NLGN4X: variants seen among roughly 807,000 people sequenced by gnomAD.
NLGN4X encodes the protein neuroligin-4, X-linked.
A neutral mutation model predicts 40.3 loss-of-function variants in NLGN4X; 3 were observed. The observed-to-expected ratio is 0.07, with a 90% confidence interval of 0.03 to 0.19. The LOEUF (loss-of-function observed/expected upper bound fraction) is 0.19. NLGN4X is among the 10% of genes least tolerant of loss of function. The probability of loss-of-function intolerance (pLI) is 1.00; values close to 1 mark genes in which losing one functional copy is unlikely to be tolerated. For synonymous variants in NLGN4X, 270 were observed against 306.8 expected, an observed-to-expected ratio of 0.88 and a Z score of 1.25; for missense variants, 382 against 708.3, an observed-to-expected ratio of 0.54 and a Z score of 5.23.
At chrX:6,128,246 C>G (rs985953370) in intron 2 of NLGN4X, among the ~76,000 whole-genome samples, 4 of 111,680 alleles carry the variant, frequency 3.6e-5, no homozygotes, top group African/African-American at 1.3e-4. Context: ...CTGGCAACAT[C>G]TTTTTACACC....
intron 2 of NLGN4X, among the ~76,000 whole-genome samples, chrX:6,091,323 G>A (rs1400934721): frequency 9.0e-6 from 1 of 111,257 alleles, no homozygotes; most frequent in Non-Finnish European, 1.9e-5. Flanking sequence ...TGCTTCCCTG[G>A]AAGCATCTTT....
chrX:6,080,660 A>G (rs2038324625), intron 2 of NLGN4X, among the ~76,000 whole-genome samples: 1 of 111,638 alleles, frequency 9.0e-6, no homozygotes, highest in African/African-American at 3.3e-5. Context: ...AAGACACCCC[A>G]TAAACTGTTT....
intron 1 of NLGN4X, among the ~76,000 whole-genome samples, chrX:6,196,581 A>AAAAAAT (rs1923110091): frequency 9.8e-6 from 1 of 102,117 alleles, no homozygotes; most frequent in Non-Finnish European, 2.0e-5. Flanking sequence ...AAAAAAAAAA[A>AAAAAAT]GTGTCTCATG....
chrX:5,892,803 G>T lies in NLGN4X; in HGVS notation c.*14C>A, dbSNP rs908546493. On this transcript the variant is annotated 3_prime_UTR_variant, in exon 6 of 6. Coordinates refer to ENST00000381095, the MANE Select transcript of NLGN4X (RefSeq NM_181332.3). ...CGGGTAGGGCAGAGGGATAGGAAGGGAAATAGGGCAAAGCTATACTCTAGT... is the reference window on the plus strand; with the variant it reads ...CGGGTAGGGCAGAGGGATAGGAAGGTAAATAGGGCAAAGCTATACTCTAGT... 16 of 1,208,622 alleles carry T rather than the reference G, an allele frequency of 1.3e-5. No homozygotes were observed. Among genetic ancestry groups the T allele is most frequent in the African/African-American group, 1.8e-5 (1 of 56,785 alleles).
intron 3 of NLGN4X, among the ~76,000 whole-genome samples, chrX:5,973,772 G>A (rs1474542138): frequency 3.6e-5 from 4 of 110,624 alleles, no homozygotes; most frequent in African/African-American, 1.3e-4. Context: ...GCAGTGAGCC[G>A]AGATCGTGCC....
chrX:6,212,321 G>T (rs1924687134), intron 1 of NLGN4X, among the ~76,000 whole-genome samples: 1 of 108,470 alleles, frequency 9.2e-6, no homozygotes, highest in Non-Finnish European at 1.9e-5. Context: ...CCAGTTACAT[G>T]AATTAAAAAA....
chrX:5,968,880 T>G (rs950072525), intron 3 of NLGN4X, among the ~76,000 whole-genome samples: 2 of 110,331 alleles, frequency 1.8e-5, no homozygotes, highest in African/African-American at 3.3e-5. Context: ...AATTCAACAC[T>G]GACATTTAGT....
At chrX:6,032,806 G>T in intron 2 of NLGN4X, 1 of 811,363 alleles carries the variant, frequency 1.2e-6, no homozygotes, top group Non-Finnish European at 1.7e-6. Flanking sequence ...AAAAACAACA[G>T]GTTTTCAAAA....
chrX:6,197,426 T>C (rs776713907), intron 1 of NLGN4X, among the ~76,000 whole-genome samples: 1 of 84,888 alleles, frequency 1.2e-5, no homozygotes, highest in Non-Finnish European at 2.7e-5. Flanking sequence ...CATGCTCAGC[T>C]ATTTTTTTTT....
chrX:6,182,979 T>C (rs749966887), intron 1 of NLGN4X, among the ~76,000 whole-genome samples: 1 of 111,787 alleles, frequency 8.9e-6, no homozygotes, highest in South Asian at 3.8e-4. Flanking sequence ...GAAAAACAAA[T>C]GTGACTGCTC....
At chrX:5,911,355 A>G (rs1308470811) in intron 3 of NLGN4X, among the ~76,000 whole-genome samples, 1 of 111,997 alleles carries the variant, frequency 8.9e-6, no homozygotes, top group Non-Finnish European at 1.9e-5. Context: ...CTTCCACCAT[A>G]AACTCTTCCT....
intron 2 of NLGN4X, among the ~76,000 whole-genome samples, chrX:6,042,271 A>G (rs957683762): frequency 2.7e-5 from 3 of 111,594 alleles, no homozygotes; most frequent in African/African-American, 6.5e-5. Flanking sequence ...ACACTTTTAC[A>G]GGTAGGAATC....
chrX:5,954,095 G>A (rs971323168), intron 3 of NLGN4X, among the ~76,000 whole-genome samples: 4 of 111,910 alleles, frequency 3.6e-5, no homozygotes, highest in Admixed American at 2.9e-4. Flanking sequence ...GATGTGGACA[G>A]CTGTTGTCAA....
At chrX:5,994,675 G>A (rs2035770797) in intron 3 of NLGN4X, among the ~76,000 whole-genome samples, 1 of 111,842 alleles carries the variant, frequency 8.9e-6, no homozygotes, top group Admixed American at 9.5e-5. Context: ...TCGCTTATTG[G>A]GAAGAGCCTC....
At chrX:6,130,128 T>C (rs1327522167) in intron 2 of NLGN4X, among the ~76,000 whole-genome samples, 1 of 111,548 alleles carries the variant, frequency 9.0e-6, no homozygotes, top group African/African-American at 3.3e-5. Context: ...GATCAAGTGA[T>C]TCTCCTTCCT....
In NLGN4X at chrX:6,055,223, G is replaced by A. The variant is rs143191751; in HGVS notation, c.473-25791C>T. On this transcript the variant is annotated intron_variant, in intron 2 of 5. Transcript: ENST00000381095. ...AAGATCAAGCATTGGGGCTGGGCGAGGTGGCTCACACTTCTAATCCTGGCA... is the reference window on the plus strand; with the variant it reads ...AAGATCAAGCATTGGGGCTGGGCGAAGTGGCTCACACTTCTAATCCTGGCA... 5.1e-3 allele frequency among the ~76,000 whole-genome samples: 574 copies of A among 112,163 alleles called. 5 individuals carry two copies. Among genetic ancestry groups the A allele is most frequent in the African/African-American group, 0.018 (553 of 30,934 alleles).
chrX:6,032,291 A>C (rs2036885909), intron 2 of NLGN4X, among the ~76,000 whole-genome samples: 1 of 97,195 alleles, frequency 1.0e-5, no homozygotes, highest in Non-Finnish European at 2.1e-5. Flanking sequence ...AAAAATAATT[A>C]AGAAGACCAA....
chrX:6,164,306 C>G (rs1349484041), intron 1 of NLGN4X, among the ~76,000 whole-genome samples: 2 of 112,635 alleles, frequency 1.8e-5, no homozygotes, highest in Admixed American at 9.4e-5. Context: ...AAAAGGCTTT[C>G]TCATTGCTGT....
intron 2 of NLGN4X, among the ~76,000 whole-genome samples, chrX:6,090,669 AC>A (rs2038614121): frequency 8.9e-6 from 1 of 112,323 alleles, no homozygotes; most frequent in Admixed American, 9.4e-5. Context: ...TGAGCAAAAA[AC>A]ATATATATAT....
Sources: gnomAD v4.1 joint callset for allele counts (sites outside exome capture counted in the v4.1 genomes callset) on GRCh38, gnomAD v4.1.1 for gene constraint, MANE v1.5 for transcripts, NCBI Gene and HGNC (gene_info 2026-07-23, HGNC 2026-07-21) for gene names.